The following MAP2K5 variants were observed in gnomAD, a reference collection of about 807,000 sequenced individuals.
The protein encoded by MAP2K5 is mitogen-activated protein kinase kinase 5.
MAP2K5 carries 49 observed loss-of-function variants against 83.1 expected under a neutral mutation model. The ratio of observed to expected loss-of-function variants is 0.59; its 90% CI spans 0.47 to 0.75. The LOEUF is 0.75. Ranked by LOEUF, MAP2K5 falls within the 30% of genes least tolerant of loss-of-function variation. The pLI, the probability that MAP2K5 is intolerant of heterozygous loss-of-function variation, is 0.00. For missense variants in MAP2K5, 457 were observed against 557.5 expected, an observed-to-expected ratio of 0.82 and a Z score of 1.82; for synonymous variants, 202 against 191.8, an observed-to-expected ratio of 1.05 and a Z score of -0.44.
chr15:67,607,876 T>C (rs920675256), intron 8 of MAP2K5, among the ~76,000 whole-genome samples: 6 of 152,146 alleles, frequency 3.9e-5, no homozygotes, highest in Admixed American at 3.9e-4. Flanking sequence ...AGTATATTGG[T>C]TTGGCCAATA....
rs2090000503 is a variant in MAP2K5 at position 67,764,153 on chromosome 15, A to C, written c.1135-5449A>C. The stretch of plus-strand genomic sequence containing the variant: ...GTTTAATCCAACCACAGTACAGCTG[A>C]CCTCAGAATTCACCAGTGCAGCCAA... On this transcript the variant is annotated intron_variant, in intron 19 of 21. Coordinates refer to ENST00000178640, the MANE Select transcript of MAP2K5 (RefSeq NM_145160.3). The surrounding 1 kb of genome is among the most constrained non-coding windows in gnomAD (Gnocchi z 4.9). Among the ~76,000 whole-genome samples the C allele has an allele frequency of 1.3e-5, 2 of 152,168 alleles. No individual in the cohort carries two copies. The highest frequency in any genetic ancestry group is 2.9e-5 in the Non-Finnish European group (2 of 68,032).
intron 21 of MAP2K5, among the ~76,000 whole-genome samples, chr15:67,788,247 C>A (rs939367652): frequency 7.9e-5 from 12 of 152,348 alleles, no homozygotes; most frequent in African/African-American, 2.9e-4. Flanking sequence ...CAGGCCTTCT[C>A]CCCTTTTTTT....
rs1283265333 is a variant in MAP2K5 at position 67,786,388 on chromosome 15, CT to C, written c.1242+13638del. On this transcript the variant is annotated intron_variant, in intron 21 of 21. Transcript: ENST00000178640. The surrounding 1 kb of genome is among the most constrained non-coding windows in gnomAD (Gnocchi z 4.7). ...ATTATTGGTAAAATGTAATGAGCAT[CT>C]TGTTGGAGGGAATTATTGTAAACCA... 6.6e-6 allele frequency among the ~76,000 whole-genome samples: 1 copy of C among 152,124 alleles called. No homozygotes were observed. The highest frequency in any genetic ancestry group is 6.5e-5 in the Admixed American group (1 of 15,282).
In MAP2K5 at chr15:67,779,304, T is replaced by C. The variant is rs1412831689; in HGVS notation, c.1242+6552T>C. On this transcript the variant is annotated intron_variant, in intron 21 of 21. Coordinates refer to ENST00000178640, the MANE Select transcript of MAP2K5 (RefSeq NM_145160.3). This position sits in a 1 kb window ranked among gnomAD's most constrained non-coding sequence, Gnocchi z 4.6. Reference sequence around the variant, plus strand: ...AGTAAAGAAGTTGATTTTAGCTTTTTAATTGCATATAATTACATCGGCAGA... The same window carrying C: ...AGTAAAGAAGTTGATTTTAGCTTTTCAATTGCATATAATTACATCGGCAGA... Among the ~76,000 whole-genome samples the C allele has an allele frequency of 6.6e-6, 1 of 152,264 alleles. No individual in the cohort carries two copies. The highest frequency in any genetic ancestry group is 1.5e-5 in the Non-Finnish European group (1 of 68,044).
At chr15:67,664,216 A>G (rs553634508) in intron 12 of MAP2K5, among the ~76,000 whole-genome samples, 5 of 150,510 alleles carry the variant, frequency 3.3e-5, no homozygotes, top group Non-Finnish European at 7.4e-5. Flanking sequence ...GAGTTAGGCC[A>G]GGTGTGGTGG....
chr15:67,544,557 T>G (rs931490044), intron 1 of MAP2K5, among the ~76,000 whole-genome samples: 1 of 151,978 alleles, frequency 6.6e-6, no homozygotes, highest in Non-Finnish European at 1.5e-5. Flanking sequence ...CTTAGTAGGT[T>G]TCTTTCCCTA....
intron 15 of MAP2K5, among the ~76,000 whole-genome samples, chr15:67,699,713 A>T (rs1047660625): frequency 4.6e-5 from 7 of 152,334 alleles, no homozygotes; most frequent in Admixed American, 4.6e-4. Flanking sequence ...CCTGAACAAG[A>T]TCAGCAGGAA....
At chr15:67,737,513 C>G (rs1168904875) in intron 17 of MAP2K5, among the ~76,000 whole-genome samples, 1 of 152,122 alleles carries the variant, frequency 6.6e-6, no homozygotes, top group Admixed American at 6.5e-5. Flanking sequence ...ATGCTAAGAA[C>G]CCAACCCTCT....
rs144439366 is a variant in MAP2K5 at position 67,801,462 on chromosome 15, C to G, written c.1243-5184C>G. On this transcript the variant is annotated intron_variant, in intron 21 of 21. Coordinates refer to ENST00000178640, the MANE Select transcript of MAP2K5 (RefSeq NM_145160.3). The surrounding 1 kb of genome is among the most constrained non-coding windows in gnomAD (Gnocchi z 4.8). ...GTGCTCACCCTGAGGCAGAGCAGTC[C>G]TGTGGTCCAGAGAGCCACCAAATGT... Among the ~76,000 whole-genome samples, 2 of 152,184 alleles carry G rather than the reference C, an allele frequency of 1.3e-5. No homozygotes were observed. The highest frequency in any genetic ancestry group is 4.8e-5 in the African/African-American group (2 of 41,430).
Position 67,802,501 on chromosome 15 carries a change from A to G in MAP2K5, c.1243-4145A>G, listed in dbSNP as rs182389001. 6.6e-6 allele frequency among the ~76,000 whole-genome samples: 1 copy of G among 152,322 alleles called. No individual in the cohort carries two copies. Among genetic ancestry groups the G allele is most frequent in the Admixed American group, 6.5e-5 (1 of 15,308 alleles). ...ACTTCTGTGGCAAAGTCTGTGGACT[A>G]TAATAACTTCAACCCTCGTCAGTTT... On this transcript the variant is annotated intron_variant, in intron 21 of 21. Transcript: ENST00000178640. This position sits in a 1 kb window ranked among gnomAD's most constrained non-coding sequence, Gnocchi z 5.0.
intron 20 of MAP2K5, among the ~76,000 whole-genome samples, chr15:67,772,362 A>G (rs777047779): frequency 3.3e-5 from 5 of 152,238 alleles, no homozygotes; most frequent in Admixed American, 6.5e-5. Context: ...TAAATTGATA[A>G]TTGAGTCAAT....
intron 1 of MAP2K5, among the ~76,000 whole-genome samples, chr15:67,549,750 G>C (rs2084470309): frequency 6.6e-6 from 1 of 152,100 alleles, no homozygotes; most frequent in African/African-American, 2.4e-5. Context: ...CCAAGTTTTT[G>C]TAAATACATG....
intron 11 of MAP2K5, among the ~76,000 whole-genome samples, chr15:67,647,705 A>G (rs896967308): frequency 6.6e-6 from 1 of 152,060 alleles, no homozygotes; most frequent in African/African-American, 2.4e-5. Flanking sequence ...ACCCGTCTCT[A>G]TAGAAAATAC....
intron 11 of MAP2K5, among the ~76,000 whole-genome samples, chr15:67,654,092 G>A (rs2087013900): frequency 6.6e-6 from 1 of 152,004 alleles, no homozygotes; most frequent in African/African-American, 2.4e-5. Context: ...TTAATCTTCT[G>A]TATAGTTTTG....
In MAP2K5 at chr15:67,768,448, A is replaced by G. The variant is rs566740462; in HGVS notation, c.1135-1154A>G. The stretch of plus-strand genomic sequence containing the variant: ...CTAGAGAAATTGTTTGGCTCCCACC[A>G]AATGCTGCATGCTCTGAGTTTCTTG... On this transcript the variant is annotated intron_variant, in intron 19 of 21. Coordinates refer to ENST00000178640, the MANE Select transcript of MAP2K5 (RefSeq NM_145160.3). The surrounding 1 kb of genome is among the most constrained non-coding windows in gnomAD (Gnocchi z 4.0). Among the ~76,000 whole-genome samples, 2 of 152,276 alleles carry G rather than the reference A, an allele frequency of 1.3e-5. No homozygotes were observed. Among genetic ancestry groups the G allele is most frequent in the African/African-American group, 4.8e-5 (2 of 41,574 alleles).
intron 19 of MAP2K5, among the ~76,000 whole-genome samples, chr15:67,762,901 A>G (rs1359630543): frequency 5.9e-5 from 9 of 152,226 alleles, no homozygotes; most frequent in Admixed American, 1.3e-4. Flanking sequence ...TTCCAGGCCC[A>G]TCTGAGACAA....
At position 67,782,384 on chromosome 15, in the gene MAP2K5, AT is replaced by A. The variant is rs1345235270; in HGVS notation, c.1242+9636del. ...TTTAGCAGAAACAGATGCCCTAACCATTTTGGGGGATTGATTTGAGGGCACC... is the reference window on the plus strand; with the variant it reads ...TTTAGCAGAAACAGATGCCCTAACCATTTGGGGGATTGATTTGAGGGCACC... On this transcript the variant is annotated intron_variant, in intron 21 of 21. Coordinates refer to ENST00000178640, the MANE Select transcript of MAP2K5 (RefSeq NM_145160.3). The surrounding 1 kb of genome is among the most constrained non-coding windows in gnomAD (Gnocchi z 4.9). 1.6e-4 allele frequency among the ~76,000 whole-genome samples: 24 copies of A among 152,210 alleles called. 1 individual carries two copies. The highest frequency in any genetic ancestry group is 5.3e-4 in the African/African-American group (22 of 41,446).
At chr15:67,709,947 G>A (rs1016526185) in intron 16 of MAP2K5, among the ~76,000 whole-genome samples, 2 of 152,210 alleles carry the variant, frequency 1.3e-5, no homozygotes, top group Non-Finnish European at 2.9e-5. Context: ...GGGATTCTAT[G>A]TGGTGGGTTA....
chr15:67,593,472 A>G (rs1596615466), intron 7 of MAP2K5, among the ~76,000 whole-genome samples: 2 of 152,168 alleles, frequency 1.3e-5, no homozygotes. Context: ...AAGCTGAATG[A>G]CCTAACCCAG....
Sources: allele counts gnomAD v4.1 joint callset (sites outside exome capture counted in the v4.1 genomes callset), GRCh38; gene constraint gnomAD v4.1.1; non-coding constraint Gnocchi (gnomAD v3.1); transcripts MANE v1.5; gene names NCBI Gene and HGNC (gene_info 2026-07-23, HGNC 2026-07-21).